The following ZKSCAN2 variants were observed in gnomAD, a reference collection of about 807,000 sequenced individuals.
The protein encoded by ZKSCAN2 is zinc finger with KRAB and SCAN domains 2.
A neutral mutation model predicts 90.5 loss-of-function variants in ZKSCAN2; 38 were observed. That is an observed-to-expected ratio of 0.42 (90% CI 0.32 to 0.55). ZKSCAN2 has a LOEUF of 0.55. ZKSCAN2 is among the 20% of genes least tolerant of loss of function. The pLI, the probability that ZKSCAN2 is intolerant of heterozygous loss-of-function variation, is 0.11. For missense variants in ZKSCAN2, 1,167 were observed against 1,202.6 expected (o/e 0.97, Z 0.44); for synonymous variants, 429 against 421.6 (o/e 1.02, Z -0.22).
At chr16:25,256,583 A>T (rs1429505108) in intron 1 of ZKSCAN2, 146 bp downstream of exon 1, 1 of 766,790 alleles carries the variant, frequency 1.3e-6, no homozygotes, top group Non-Finnish European at 2.0e-6. Flanking sequence ...GGATTCACTT[A>T]AAGTGAAAAG....
chr16:25,257,662 C>T lies in ZKSCAN2; in HGVS notation c.-535G>A, dbSNP rs1423325861. ...CGGATTCCGAGAGCGGCGCCGGGCTCTTTCGGGCCCACGACGGCCCCGACC... is the reference window on the plus strand; with the variant it reads ...CGGATTCCGAGAGCGGCGCCGGGCTTTTTCGGGCCCACGACGGCCCCGACC... On this transcript the variant is annotated 5_prime_UTR_variant, in exon 1 of 7. Coordinates refer to ENST00000328086, the MANE Select transcript of ZKSCAN2 (RefSeq NM_001012981.5). 1 of 251,918 alleles carries T rather than the reference C, an allele frequency of 4.0e-6. No individual in the cohort carries two copies. The highest frequency in any genetic ancestry group is 6.3e-6 in the Non-Finnish European group (1 of 159,698). The allele number at this position is 251,918 out of a possible 1,614,324, so 15.6% of individuals were successfully genotyped here.
At chr16:25,248,163 G>A (rs1962964832) in intron 4 of ZKSCAN2, among the ~76,000 whole-genome samples, 1 of 151,274 alleles carries the variant, frequency 6.6e-6, no homozygotes. Flanking sequence ...AAACACAGGG[G>A]ACAAAGCTCC....
At chr16:25,248,449 T>C (rs905361816) in intron 4 of ZKSCAN2, among the ~76,000 whole-genome samples, 2 of 151,710 alleles carry the variant, frequency 1.3e-5, no homozygotes, top group Non-Finnish European at 2.9e-5. Context: ...AATAGCAAAA[T>C]AACAACAAAC....
Position 25,257,609 on chromosome 16 carries a change from A to AGGCCGCCGCGGGTGCCGCTGG in ZKSCAN2, c.-503_-483dup, listed in dbSNP as rs1267995402. 6 of 723,602 alleles carry AGGCCGCCGCGGGTGCCGCTGG rather than the reference A, an allele frequency of 8.3e-6. No homozygotes were observed. In the East Asian group the frequency reaches 8.0e-4, roughly 96 times the overall value. The allele number at this position is 723,602 out of a possible 1,614,324, so 44.8% of individuals were successfully genotyped here. On this transcript the variant is annotated 5_prime_UTR_variant, in exon 1 of 7. Coordinates refer to ENST00000328086, the MANE Select transcript of ZKSCAN2 (RefSeq NM_001012981.5). ...GGGCTCGGGTCACCGCAGCACGTCC[A>AGGCCGCCGCGGGTGCCGCTGG]GGCCGCCGCGGGTGCCGCTGGGGCC...
rs1567349498 is a variant in ZKSCAN2 at position 25,239,732 on chromosome 16, A to G, written c.*84T>C. ...TTCTCAAGTTTATCTTGGAAATTAC[A>G]CTTCATAGCTAAGAAAAGATTGCTT... On this transcript the variant is annotated 3_prime_UTR_variant, in exon 7 of 7. Coordinates refer to ENST00000328086, the MANE Select transcript of ZKSCAN2 (RefSeq NM_001012981.5). 4 of 1,203,490 alleles carry G rather than the reference A, an allele frequency of 3.3e-6. No individual in the cohort carries two copies. Among genetic ancestry groups the G allele is most frequent in the Non-Finnish European group, 4.7e-6 (4 of 854,056 alleles). 74.6% of individuals were successfully genotyped at this position (1,203,490 alleles called of 1,614,324 possible). A position where few individuals can be genotyped will look rare whatever the true frequency, so the allele number is the denominator to read the frequency against.
At chr16:25,253,193 C>G (rs77742751) in intron 2 of ZKSCAN2, among the ~76,000 whole-genome samples, 156 bp from the exon 3 acceptor site, 154 of 152,086 alleles carry the variant, frequency 1.0e-3, no homozygotes, top group African/African-American at 3.4e-3. Flanking sequence ...AACACAGTAC[C>G]CTAAAGCTGG....
chr16:25,252,411 GTAAT>G (rs751645891), intron 3 of ZKSCAN2, among the ~76,000 whole-genome samples: 4 of 151,920 alleles, frequency 2.6e-5, no homozygotes, highest in Non-Finnish European at 4.4e-5. Context: ...GGTAAGTAAA[GTAAT>G]TATATTTAAA....
At position 25,240,646 on chromosome 16, in the gene ZKSCAN2, T is replaced by C; in HGVS notation, c.2074A>G (p.Arg692Gly). The change falls in exon 7 of 7, where the codon AGA (arginine) becomes GGA (glycine). Residue 692 changes from arginine (R) to glycine (G), a missense_variant. Arg to Gly is a moderately radical substitution (Grantham distance 125). Coordinates refer to ENST00000328086, the MANE Select transcript of ZKSCAN2 (RefSeq NM_001012981.5). The part of the protein sequence containing the change: ...QHRALIEKSK[R>G]VVSQSTDPSK... ...GGGTCGGTACTCTGGGAAACAACTC[T>C]TTTAGACTTTTCTATTAATGCCCTA... 6.2e-7 allele frequency: 1 copy of C among 1,614,196 alleles called. No homozygotes were observed.
Position 25,237,154 on chromosome 16 carries a change from G to C in ZKSCAN2, c.*2662C>G, listed in dbSNP as rs144283465. The C allele has an allele frequency of 9.0e-3, 1,367 of 152,494 alleles. 21 individuals carry two copies. The highest frequency in any genetic ancestry group is 0.032 in the African/African-American group (1,316 of 41,542). 9.4% of individuals were successfully genotyped at this position (152,494 alleles called of 1,614,324 possible). A position where few individuals can be genotyped will look rare whatever the true frequency, so the allele number is the denominator to read the frequency against. ...TCTAGATAAAAAAACCTTTTTCTAT[G>C]AATCTTCATAAAGGCAATGTTATGT... On this transcript the variant is annotated 3_prime_UTR_variant, in exon 7 of 7. Transcript: ENST00000328086.
rs58897018 is a variant in ZKSCAN2, at chr16:25,239,263, C to CA, written c.*552dup. On this transcript the variant is annotated 3_prime_UTR_variant, in exon 7 of 7. Coordinates refer to ENST00000328086, the MANE Select transcript of ZKSCAN2 (RefSeq NM_001012981.5). ...CTAGCTATTTGGATCAACTTCTTGA[C>CA]AAAAAAAAAAAAAAAGGTACACTGT... The CA allele has an allele frequency of 0.045, 4,151 of 91,968 alleles. 158 individuals are homozygous for CA. Among genetic ancestry groups the CA allele is most frequent in the African/African-American group, 0.15 (3,539 of 23,024 alleles). 5.7% of individuals were successfully genotyped at this position (91,968 alleles called of 1,614,324 possible).
At chr16:25,254,563 C>T (rs190482479) in intron 2 of ZKSCAN2, among the ~76,000 whole-genome samples, 17 of 152,330 alleles carry the variant, frequency 1.1e-4, no homozygotes, top group African/African-American at 4.1e-4. Context: ...GACTGAAAAA[C>T]ACATGATGAT....
Position 25,251,968 on chromosome 16 carries a change from G to A in ZKSCAN2, c.746C>T (p.Ala249Val), listed in dbSNP as rs568826414. ...SYRKSVHQIP[A>V]QRDLYRDFRK... ...GAAATCCCGGTAGAGGTCCCTTTGGGCAGGAATCTGATGCACACTCTTTCT... is the reference window on the plus strand; with the variant it reads ...GAAATCCCGGTAGAGGTCCCTTTGGACAGGAATCTGATGCACACTCTTTCT... The change falls in exon 4 of 7, where the codon GCC (alanine) becomes GTC (valine). Residue 249 changes from alanine to valine, a missense_variant. Physicochemically the swap from Ala to Val is moderately conservative, Grantham distance 64. Coordinates refer to ENST00000328086, the MANE Select transcript of ZKSCAN2 (RefSeq NM_001012981.5). 40 of 1,614,026 alleles carry A rather than the reference G, an allele frequency of 2.5e-5. No homozygotes were observed. The South Asian group carries it at 3.3e-4, about 13-fold the overall frequency.
rs202041621 is a variant in ZKSCAN2 at position 25,249,125 on chromosome 16, G to A, written c.806-1735C>T. On this transcript the variant is annotated intron_variant, in intron 4 of 6. Transcript: ENST00000328086. ...AGAGAGTAGAAGATGGTTACCAGAAGCTGGGGGAGGAGGAGGGAAGATGGG... is the reference window on the plus strand; with the variant it reads ...AGAGAGTAGAAGATGGTTACCAGAAACTGGGGGAGGAGGAGGGAAGATGGG... Among the ~76,000 whole-genome samples, 5 of 152,290 alleles carry A rather than the reference G, an allele frequency of 3.3e-5. No homozygotes were observed. In the East Asian group the frequency reaches 5.8e-4, roughly 18 times the overall value.
chr16:25,256,689 C>T (rs1963107072), intron 1 of ZKSCAN2, 40 bp downstream of exon 1: 1 of 1,569,822 alleles, frequency 6.4e-7, no homozygotes, highest in Non-Finnish European at 8.6e-7. Context: ...TTCCCATTCC[C>T]TTTTTTCTAA....
Position 25,240,694 on chromosome 16 carries a change from C to T in ZKSCAN2, c.2026G>A (p.Val676Ile). ...CTATGCTGTTCCATGTCCTTATATA[C>T]TATCTGTGTTGGATCCTCCTTGATG... is the stretch of plus-strand genomic sequence containing the variant. ...SSIKEDPTQI[V>I]YKDMEQHRAL... Residue 676 changes from valine (V) to isoleucine (I), a missense_variant, in exon 7 of 7, where the codon GTA (valine) becomes ATA (isoleucine). Physicochemically the swap from Val to Ile is conservative, Grantham distance 29. Transcript: ENST00000328086. 1 of 1,613,976 alleles carries T rather than the reference C, an allele frequency of 6.2e-7. No homozygotes were observed. Among genetic ancestry groups the T allele is most frequent in the East Asian group, 2.2e-5 (1 of 44,880 alleles).
chr16:25,244,211 C>T lies in ZKSCAN2; in HGVS notation c.1555G>A (p.Glu519Lys). ...TTCCGATGACAGGCTTGAAGCGCTT[C>T]ATAAAACCGAGTCTCACGGAGGATA... ...LDILRETRFY[E>K]ALQACHRKSK... Residue 519 changes from glutamate (E) to lysine (K), a missense_variant, in exon 6 of 7, where the codon GAA (glutamate) becomes AAA (lysine). By Grantham distance (56) the Glu-to-Lys change is moderately conservative. Coordinates refer to ENST00000328086, the MANE Select transcript of ZKSCAN2 (RefSeq NM_001012981.5). 1 of 1,614,156 alleles carries T rather than the reference C, an allele frequency of 6.2e-7. No individual in the cohort carries two copies. Among genetic ancestry groups the T allele is most frequent in the Non-Finnish European group, 8.5e-7 (1 of 1,180,026 alleles).
Position 25,240,651 on chromosome 16 carries a change from GACTT to G in ZKSCAN2, c.2065_2068del (p.Lys689LeufsTer43). The G allele has an allele frequency of 6.2e-7, 1 of 1,614,094 alleles. No homozygotes were observed. Among genetic ancestry groups the G allele is most frequent in the East Asian group, 2.2e-5 (1 of 44,882 alleles). ...GGTACTCTGGGAAACAACTCTTTTA[GACTT>G]TTCTATTAATGCCCTATGCTGTTCC... On this transcript the variant is annotated frameshift_variant, in exon 7 of 7. Transcript: ENST00000328086. LOFTEE classifies it high-confidence loss of function.
At chr16:25,243,213 C>G (rs1304606201) in intron 6 of ZKSCAN2, among the ~76,000 whole-genome samples, 3 of 152,210 alleles carry the variant, frequency 2.0e-5, no homozygotes, top group African/African-American at 7.2e-5. Context: ...CCCCACGGTA[C>G]TTCCAGGAGA....
intron 4 of ZKSCAN2, among the ~76,000 whole-genome samples, chr16:25,250,143 T>C (rs533236888): frequency 2.0e-5 from 3 of 152,226 alleles, no homozygotes; most frequent in South Asian, 4.2e-4. Context: ...ACCCCGTCTC[T>C]ACTAAAAATA....
Sources: allele counts gnomAD v4.1 joint callset (sites outside exome capture counted in the v4.1 genomes callset), GRCh38; gene constraint gnomAD v4.1.1; transcripts MANE v1.5; gene names NCBI Gene and HGNC (gene_info 2026-07-23, HGNC 2026-07-21).